The following RERE variants were observed in gnomAD, a reference collection of about 807,000 sequenced individuals.
RERE encodes arginine-glutamic acid dipeptide repeats, also known as arginine-glutamic acid dipeptide repeats protein.
Under a neutral mutation model 146.1 loss-of-function variants are expected in RERE, and 40 were observed. The observed-to-expected ratio is 0.27, with a 90% CI of 0.21 to 0.36. The LOEUF is 0.36. Among genes scored for constraint, RERE ranks in the 10% least tolerant of loss-of-function variants. The probability of loss-of-function intolerance (pLI) is 1.00; values close to 1 mark genes in which losing one functional copy is unlikely to be tolerated. For missense variants in RERE, 1,933 were observed against 2,138.7 expected (o/e 0.90, Z 1.90); for synonymous variants, 1,003 against 866.0 (o/e 1.16, Z -2.78).
At chr1:8,604,622 G>GAGGAAGGAAGGAAGGA (rs1178725565) in intron 4 of RERE, among the ~76,000 whole-genome samples, 64 of 46,490 alleles carry the variant, frequency 1.4e-3, no homozygotes, top group African/African-American at 2.1e-3. Context: ...GGGAGGGAGG[G>GAGGAAGGAAGGAAGGA]AGGAAGGAAG....
intron 1 of RERE, among the ~76,000 whole-genome samples, chr1:8,815,356 A>G (rs1031377057): frequency 2.6e-5 from 4 of 152,236 alleles, no homozygotes; most frequent in Admixed American, 6.5e-5. Flanking sequence ...ATATTAATCA[A>G]TAAAATCTAT....
At chr1:8,773,192 A>G (rs1031182010) in intron 1 of RERE, among the ~76,000 whole-genome samples, 3 of 152,226 alleles carry the variant, frequency 2.0e-5, no homozygotes, top group African/African-American at 7.2e-5. Context: ...TACCAAAGAA[A>G]GTTTTTGAGA....
rs529020403 is a variant in RERE at position 8,398,948 on chromosome 1, A to G, written c.1284+23779T>C. ...AGAACTGATAAACTTTTTTGTAAAT[A>G]TAACGGGTGTGAAGTAATATGTGTA... On this transcript the variant is annotated intron_variant, in intron 12 of 22. Coordinates refer to ENST00000400908, the MANE Select transcript of RERE (RefSeq NM_001042681.2). Among the ~76,000 whole-genome samples the G allele has an allele frequency of 1.4e-4, 21 of 152,322 alleles. No homozygotes were observed. In the South Asian group the frequency reaches 3.3e-3, roughly 24 times the overall value.
At chr1:8,693,018 A>G (rs1198241859) in intron 1 of RERE, among the ~76,000 whole-genome samples, 1 of 152,198 alleles carries the variant, frequency 6.6e-6, no homozygotes, top group Non-Finnish European at 1.5e-5. Flanking sequence ...CAGAGCTGGC[A>G]TCGGAAATGA....
chr1:8,486,934 G>T (rs1169146025), intron 10 of RERE, among the ~76,000 whole-genome samples: 1 of 151,970 alleles, frequency 6.6e-6, no homozygotes, highest in Non-Finnish European at 1.5e-5. Flanking sequence ...TTTTTTGAGG[G>T]AGTATTACTC....
At chr1:8,485,626 A>G (rs1323555101) in intron 10 of RERE, among the ~76,000 whole-genome samples, 2 of 152,192 alleles carry the variant, frequency 1.3e-5, no homozygotes, top group Non-Finnish European at 2.9e-5. Flanking sequence ...ACAGACTTCA[A>G]GACAAAGAAT....
Position 8,435,047 on chromosome 1 carries a change from C to T in RERE, c.1204-12240G>A, listed in dbSNP as rs572506724. ...GGCTAATTTTTATTATCAGGGGTAACGTGTTACATAGCGATAGGCAACTAA... is the reference window on the plus strand; with the variant it reads ...GGCTAATTTTTATTATCAGGGGTAATGTGTTACATAGCGATAGGCAACTAA... On this transcript the variant is annotated intron_variant, in intron 11 of 22. Transcript: ENST00000400908. 5.3e-5 allele frequency among the ~76,000 whole-genome samples: 8 copies of T among 152,316 alleles called. No individual in the cohort carries two copies. In the South Asian group the frequency reaches 8.3e-4, roughly 16 times the overall value.
intron 6 of RERE, among the ~76,000 whole-genome samples, chr1:8,550,410 T>C (rs192482311): frequency 2.6e-4 from 40 of 152,324 alleles, no homozygotes; most frequent in African/African-American, 8.7e-4. Flanking sequence ...GTCAAAGTTA[T>C]TTCACATATA....
In RERE at chr1:8,367,852, C is replaced by G. The variant is rs1007243080; in HGVS notation, c.1285-1878G>C. ...TTCCTGCTTTCCAGACTTGGAAATG[C>G]ATTTATCTATACTGATCCTTGGGTG... On this transcript the variant is annotated intron_variant, in intron 12 of 22. Coordinates refer to ENST00000400908, the MANE Select transcript of RERE (RefSeq NM_001042681.2). Among the ~76,000 whole-genome samples the G allele has an allele frequency of 5.9e-5, 9 of 152,200 alleles. 1 individual carries two copies. The highest frequency in any genetic ancestry group is 5.9e-4 in the Admixed American group (9 of 15,274).
intron 4 of RERE, among the ~76,000 whole-genome samples, chr1:8,583,755 C>G (rs1022905453): frequency 1.3e-5 from 2 of 151,964 alleles, no homozygotes; most frequent in East Asian, 3.9e-4. Context: ...AGGAGAGGAA[C>G]AGAGTCAGAA....
intron 1 of RERE, among the ~76,000 whole-genome samples, chr1:8,795,275 C>T (rs958665874): frequency 2.0e-5 from 3 of 151,846 alleles, no homozygotes; most frequent in South Asian, 2.1e-4. Context: ...CTGCCCGCCT[C>T]GGCCTCCCAA....
chr1:8,605,651 A>G (rs1646694505), intron 4 of RERE, among the ~76,000 whole-genome samples: 1 of 145,890 alleles, frequency 6.9e-6, no homozygotes, highest in South Asian at 2.3e-4. Flanking sequence ...TGGGAAGCTG[A>G]GGCAGGAGAA....
intron 11 of RERE, among the ~76,000 whole-genome samples, chr1:8,437,162 A>C (rs1311943364): frequency 6.6e-6 from 1 of 152,144 alleles, no homozygotes; most frequent in East Asian, 1.9e-4. Context: ...CTTCCCAAAC[A>C]AGGGAAACTG....
chr1:8,411,835 C>G (rs1643623681), intron 12 of RERE, among the ~76,000 whole-genome samples: 1 of 152,174 alleles, frequency 6.6e-6, no homozygotes, highest in Non-Finnish European at 1.5e-5. Context: ...AGTTCACTGG[C>G]TCTGTGCTTT....
At chr1:8,520,602 T>G (rs915658987) in intron 7 of RERE, among the ~76,000 whole-genome samples, 1 of 152,030 alleles carries the variant, frequency 6.6e-6, no homozygotes, top group Non-Finnish European at 1.5e-5. Context: ...CTCCATTATG[T>G]GGTAACCTAC....
intron 4 of RERE, among the ~76,000 whole-genome samples, chr1:8,563,259 G>A (rs1646099992): frequency 6.6e-6 from 1 of 152,148 alleles, no homozygotes; most frequent in African/African-American, 2.4e-5. Context: ...ATCAGCCTCA[G>A]GGCAATGTTT....
intron 1 of RERE, among the ~76,000 whole-genome samples, chr1:8,744,021 G>A (rs1481909074): frequency 2.6e-5 from 4 of 152,132 alleles, no homozygotes; most frequent in Non-Finnish European, 4.4e-5. Context: ...AAGCACAGTA[G>A]GTGCTCAATA....
intron 7 of RERE, among the ~76,000 whole-genome samples, chr1:8,535,437 C>T (rs1645712062): frequency 6.6e-6 from 1 of 152,128 alleles, no homozygotes; most frequent in Non-Finnish European, 1.5e-5. Context: ...TAAGAAAATG[C>T]TCATGTTCAT....
intron 2 of RERE, among the ~76,000 whole-genome samples, chr1:8,633,823 G>C (rs1647064375): frequency 6.6e-6 from 1 of 152,110 alleles, no homozygotes; most frequent in African/African-American, 2.4e-5. Flanking sequence ...CAGCTACTGA[G>C]GAGGCTGAGG....
Sources: allele counts gnomAD v4.1 joint callset (sites outside exome capture counted in the v4.1 genomes callset), GRCh38; gene constraint gnomAD v4.1.1; transcripts MANE v1.5; gene names NCBI Gene and HGNC (gene_info 2026-07-23, HGNC 2026-07-21).